The following LHX2 variants were observed in gnomAD, a reference collection of about 807,000 sequenced individuals.
LHX2 encodes the protein LIM/homeobox protein Lhx2.
LHX2 carries 6 observed loss-of-function variants against 33.0 expected under a neutral mutation model. The observed-to-expected ratio is 0.18, with a 90% CI of 0.10 to 0.36. The LOEUF (loss-of-function observed/expected upper bound fraction) is 0.36. Ranked by LOEUF, LHX2 falls within the 10% of genes least tolerant of loss-of-function variation. The pLI is 1.00. For missense variants in LHX2, 442 were observed against 586.2 expected (o/e 0.75, Z 2.54); for synonymous variants, 292 against 253.1 (o/e 1.15, Z -1.46).
intron 4 of LHX2, among the ~76,000 whole-genome samples, chr9:124,023,973 G>T (rs1333162502): frequency 6.6e-6 from 1 of 152,192 alleles, no homozygotes; most frequent in Non-Finnish European, 1.5e-5. Flanking sequence ...AGATGAGAAG[G>T]CAGAGGCCCA....
rs1230408937 is a variant in LHX2, at chr9:124,021,311, C to T, written c.933+7C>T. The T allele has an allele frequency of 3.1e-6, 5 of 1,612,216 alleles. No homozygotes were observed. Among genetic ancestry groups the T allele is most frequent in the Admixed American group, 1.7e-5 (1 of 59,994 alleles). ...CACCAAGCGGGTCCTCCAGGTCAGC[C>T]AGGGCCAGGGGTGAGGGCATCTGCG... On this transcript the variant is annotated splice_region_variant and intron_variant, in intron 4 of 4. Coordinates refer to ENST00000373615, the MANE Select transcript of LHX2 (RefSeq NM_004789.4).
chr9:124,020,459 C>T (rs1859273153), intron 3 of LHX2, among the ~76,000 whole-genome samples: 1 of 152,148 alleles, frequency 6.6e-6, no homozygotes, highest in Non-Finnish European at 1.5e-5. Flanking sequence ...CCAGGGGTCC[C>T]TCAGTACTTT....
At chr9:124,022,225 A>T (rs1018693867) in intron 4 of LHX2, among the ~76,000 whole-genome samples, 1 of 152,180 alleles carries the variant, frequency 6.6e-6, no homozygotes, top group African/African-American at 2.4e-5. Context: ...TCCTCATACA[A>T]GAAATGGATA....
In LHX2 at chr9:124,016,416, A is replaced by G. The variant is rs563062361; in HGVS notation, c.727+891A>G. Among the ~76,000 whole-genome samples the G allele has an allele frequency of 8.5e-5, 13 of 152,206 alleles. No homozygotes were observed. Among genetic ancestry groups the G allele is most frequent in the Admixed American group, 2.0e-4 (3 of 15,282 alleles). ...AAGTCTGCAAGGCCCGGAAAGGTTT[A>G]TGACTCTCCGGGCTTCCGAACTAGA... On this transcript the variant is annotated intron_variant, in intron 3 of 4. Coordinates refer to ENST00000373615, the MANE Select transcript of LHX2 (RefSeq NM_004789.4). This position sits in a 1 kb window ranked among gnomAD's most constrained non-coding sequence, Gnocchi z 4.4.
At position 124,015,547 on chromosome 9, in the gene LHX2, CG is replaced by C. The variant is rs1564548824; in HGVS notation, c.727+23del. 1 of 1,450,956 alleles carries C rather than the reference CG, an allele frequency of 6.9e-7. No individual in the cohort carries two copies. Among genetic ancestry groups the C allele is most frequent in the East Asian group, 2.5e-5 (1 of 39,956 alleles). The allele number at this position is 1,450,956 out of a possible 1,614,324, so 89.9% of individuals were successfully genotyped here. Reference sequence around the variant, plus strand: ...GCTGGTGAGTGCGCGGCGCACGAAGCGCCCCCATAGGGTTGGGGGAAAGTGT... The same window carrying C: ...GCTGGTGAGTGCGCGGCGCACGAAGCCCCCCATAGGGTTGGGGGAAAGTGT... On this transcript the variant is annotated intron_variant, in intron 3 of 4. Transcript: ENST00000373615. This position sits in a 1 kb window ranked among gnomAD's most constrained non-coding sequence, Gnocchi z 7.9.
intron 4 of LHX2, among the ~76,000 whole-genome samples, chr9:124,030,062 C>T (rs150843624): frequency 5.9e-5 from 9 of 152,334 alleles, no homozygotes; most frequent in East Asian, 1.9e-4. Context: ...TTTCTTTGGG[C>T]GGAGAGCCAG....
At position 124,012,340 on chromosome 9, in the gene LHX2, C is replaced by T; in HGVS notation, c.-9C>T. 1.3e-6 allele frequency: 2 copies of T among 1,496,234 alleles called. No homozygotes were observed. The highest frequency in any genetic ancestry group is 2.9e-5 in the East Asian group (1 of 34,762). 92.7% of individuals were successfully genotyped at this position (1,496,234 alleles called of 1,614,324 possible). Reference sequence around the variant, plus strand: ...GAGCCGCGCCCCCGGCCCCGCCGGTCCCGCCGCGATGCTGTTCCACAGTCT... The same window carrying T: ...GAGCCGCGCCCCCGGCCCCGCCGGTTCCGCCGCGATGCTGTTCCACAGTCT... On this transcript the variant is annotated 5_prime_UTR_variant, in exon 1 of 5. Coordinates refer to ENST00000373615, the MANE Select transcript of LHX2 (RefSeq NM_004789.4). This position sits in a 1 kb window ranked among gnomAD's most constrained non-coding sequence, Gnocchi z 4.3.
Position 124,032,888 on chromosome 9 carries a change from A to G in LHX2, c.*181A>G. Reference sequence around the variant, plus strand: ...GCTAATGCAGCGGTGTGGACCGAGGAACAACTTGGAAGATCTACCTGCAAC... The same window carrying G: ...GCTAATGCAGCGGTGTGGACCGAGGGACAACTTGGAAGATCTACCTGCAAC... On this transcript the variant is annotated 3_prime_UTR_variant, in exon 5 of 5. Coordinates refer to ENST00000373615, the MANE Select transcript of LHX2 (RefSeq NM_004789.4). This position sits in a 1 kb window ranked among gnomAD's most constrained non-coding sequence, Gnocchi z 4.1. 1 of 578,142 alleles carries G rather than the reference A, an allele frequency of 1.7e-6. No individual in the cohort carries two copies. Among genetic ancestry groups the G allele is most frequent in the Non-Finnish European group, 2.9e-6 (1 of 349,752 alleles). The allele number at this position is 578,142 out of a possible 1,614,324, so 35.8% of individuals were successfully genotyped here. A position where few individuals can be genotyped will look rare whatever the true frequency, so the allele number is the denominator to read the frequency against.
chr9:124,018,265 T>G (rs1859227731), intron 3 of LHX2, among the ~76,000 whole-genome samples: 1 of 112,952 alleles, frequency 8.9e-6, no homozygotes. Context: ...ATCGGCCTAA[T>G]TGAGAGGAAA....
chr9:124,013,287 G>C (rs982971934), intron 1 of LHX2, among the ~76,000 whole-genome samples: 12 of 152,220 alleles, frequency 7.9e-5, no homozygotes, highest in Non-Finnish European at 1.6e-4. Flanking sequence ...GCGCTTCTTC[G>C]GTTAGACCTT....
At position 124,032,837 on chromosome 9, in the gene LHX2, A is replaced by AG; in HGVS notation, c.*132dup. The AG allele has an allele frequency of 9.0e-7, 1 of 1,110,952 alleles. No homozygotes were observed. Among genetic ancestry groups the AG allele is most frequent in the Non-Finnish European group, 1.3e-6 (1 of 796,422 alleles). The allele number at this position is 1,110,952 out of a possible 1,614,324, so 68.8% of individuals were successfully genotyped here. A position where few individuals can be genotyped will look rare whatever the true frequency, so the allele number is the denominator to read the frequency against. Reference sequence around the variant, plus strand: ...ATTTTAGGATCTCGCCTGGAAACAGAGGTAAAAAAAAGAAGTGTGCGCCCG... The same window carrying AG: ...ATTTTAGGATCTCGCCTGGAAACAGAGGGTAAAAAAAAGAAGTGTGCGCCCG... On this transcript the variant is annotated 3_prime_UTR_variant, in exon 5 of 5. Transcript: ENST00000373615. The surrounding 1 kb of genome is among the most constrained non-coding windows in gnomAD (Gnocchi z 4.1).
chr9:124,013,759 C>T (rs1364044321), intron 1 of LHX2, among the ~76,000 whole-genome samples: 1 of 152,260 alleles, frequency 6.6e-6, no homozygotes, highest in Non-Finnish European at 1.5e-5. Context: ...GAGGGCTGCG[C>T]AGGCAGGCCT....
chr9:124,026,065 T>C lies in LHX2; in HGVS notation c.933+4761T>C, dbSNP rs573653682. On this transcript the variant is annotated intron_variant, in intron 4 of 4. Transcript: ENST00000373615. ...GTGTGAGAATTTAGGAGTTGAGTAC[T>C]CTAGCTTTCCTCTGGCCACTCACTT... Among the ~76,000 whole-genome samples the C allele has an allele frequency of 1.2e-4, 18 of 152,336 alleles. No homozygotes were observed. In the East Asian group the frequency reaches 2.3e-3, roughly 20 times the overall value.
chr9:124,017,916 G>T (rs1319655782), intron 3 of LHX2, among the ~76,000 whole-genome samples: 2 of 151,916 alleles, frequency 1.3e-5, no homozygotes. Flanking sequence ...GCGGGCTGGG[G>T]GTGCGAAAAC....
In LHX2 at chr9:124,015,444, G is replaced by T; in HGVS notation, c.646G>T (p.Gly216Cys). The change falls in exon 3 of 5, where the codon GGC becomes TGC. Residue 216 changes from glycine (G) to cysteine (C), a missense_variant. Around this residue, in one of 5 missense-constraint regions of LHX2, gnomAD observed 132 missense variants for 139.1 expected, o/e 0.95. Coordinates refer to ENST00000373615, the MANE Select transcript of LHX2 (RefSeq NM_004789.4). This position sits in a 1 kb window ranked among gnomAD's most constrained non-coding sequence, Gnocchi z 7.9. ...CCCTCTGGGTCTTCCCTACTACAATGGCGTGGGCACTGTGCAGAAGGGGCG... is the reference window on the plus strand; with the variant it reads ...CCCTCTGGGTCTTCCCTACTACAATTGCGTGGGCACTGTGCAGAAGGGGCG... ...ANPLGLPYYNGVGTVQKGRPR... is the reference protein window; with the variant it reads ...ANPLGLPYYNCVGTVQKGRPR... 1 of 1,579,074 alleles carries T rather than the reference G, an allele frequency of 6.3e-7. No homozygotes were observed. The highest frequency in any genetic ancestry group is 8.6e-7 in the Non-Finnish European group (1 of 1,163,046).
At chr9:124,018,250 A>G (rs1267780638) in intron 3 of LHX2, among the ~76,000 whole-genome samples, 1 of 148,670 alleles carries the variant, frequency 6.7e-6, no homozygotes, top group Non-Finnish European at 1.5e-5. Flanking sequence ...CTTTAGCTCC[A>G]TTGAATCGGC....
In LHX2 at chr9:124,016,690, T is replaced by C. The variant is rs1859196374; in HGVS notation, c.727+1165T>C. Among the ~76,000 whole-genome samples the C allele has an allele frequency of 6.6e-6, 1 of 152,134 alleles. No homozygotes were observed. The highest frequency in any genetic ancestry group is 6.5e-5 in the Admixed American group (1 of 15,282). On this transcript the variant is annotated intron_variant, in intron 3 of 4. Transcript: ENST00000373615. The surrounding 1 kb of genome is among the most constrained non-coding windows in gnomAD (Gnocchi z 4.4). The stretch of plus-strand genomic sequence containing the variant: ...TCCAACGAAATCGCTTGGAGGATCA[T>C]GGGGCGTGTGTCCCTGTGTGCGGAA...
chr9:124,029,717 C>T (rs1363370229), intron 4 of LHX2, among the ~76,000 whole-genome samples: 3 of 152,228 alleles, frequency 2.0e-5, no homozygotes, highest in African/African-American at 2.4e-5. Flanking sequence ...GACCCAGGCT[C>T]CCCGCTCCAG....
chr9:124,027,464 T>C (rs566867204), intron 4 of LHX2, among the ~76,000 whole-genome samples: 2 of 152,312 alleles, frequency 1.3e-5, no homozygotes, highest in Admixed American at 6.5e-5. Context: ...ATCTACCGCA[T>C]AGGGTTATTA....
Sources: allele counts gnomAD v4.1 joint callset (sites outside exome capture counted in the v4.1 genomes callset), GRCh38; gene constraint gnomAD v4.1.1; regional missense constraint gnomAD v4.1.1; non-coding constraint Gnocchi (gnomAD v3.1); transcripts MANE v1.5; gene names NCBI Gene and HGNC (gene_info 2026-07-23, HGNC 2026-07-21).